Variants in DPYSL3 observed in about 807,000 individuals in gnomAD.
The protein encoded by DPYSL3 is dihydropyrimidinase like 3, also known as dihydropyrimidinase-related protein 3.
A neutral mutation model predicts 66.1 loss-of-function variants in DPYSL3; 16 were observed. The ratio of observed to expected loss-of-function variants is 0.24; its 90% confidence interval spans 0.16 to 0.37. The LOEUF (loss-of-function observed/expected upper bound fraction) is 0.37. DPYSL3 is among the 10% of genes least tolerant of loss of function. DPYSL3 has a pLI of 1.00. For missense variants in DPYSL3, 738 were observed against 916.2 expected (o/e 0.81, Z 2.51); for synonymous variants, 338 against 345.1 (o/e 0.98, Z 0.23).
chr5:147,482,152 C>A (rs1383195105), intron 1 of DPYSL3, among the ~76,000 whole-genome samples: 5 of 152,134 alleles, frequency 3.3e-5, no homozygotes, highest in Admixed American at 6.5e-5. Flanking sequence ...CAACAACATG[C>A]AAGGATACCC....
intron 1 of DPYSL3, among the ~76,000 whole-genome samples, chr5:147,438,578 A>G (rs1378623127): frequency 1.3e-5 from 2 of 152,180 alleles, no homozygotes; most frequent in East Asian, 3.9e-4. Context: ...AGAACCTCCA[A>G]GACTTCATCC....
intron 4 of DPYSL3, among the ~76,000 whole-genome samples, chr5:147,414,854 A>C (rs1261444323): frequency 1.3e-5 from 2 of 152,064 alleles, no homozygotes; most frequent in Non-Finnish European, 2.9e-5. Context: ...ATTTGTGTCT[A>C]GACTACTCCT....
chr5:147,434,238 G>A (rs1159922409), intron 1 of DPYSL3, among the ~76,000 whole-genome samples: 1 of 152,216 alleles, frequency 6.6e-6, no homozygotes, highest in East Asian at 1.9e-4. Flanking sequence ...ATAAAGTCCA[G>A]TACAGATTAA....
rs957390930 is a variant in DPYSL3 at position 147,436,594 on chromosome 5, T to A, written c.382-11631A>T. Among the ~76,000 whole-genome samples the A allele has an allele frequency of 3.3e-5, 5 of 152,174 alleles. No individual in the cohort carries two copies. The South Asian group carries it at 8.3e-4, about 25-fold the overall frequency. ...CTCTCTTCTATTTATTTACATTATT[T>A]CTCTAGTTGCATATGCGTAATGTAC... On this transcript the variant is annotated intron_variant, in intron 1 of 13. Transcript: ENST00000343218.
intron 1 of DPYSL3, among the ~76,000 whole-genome samples, chr5:147,455,408 G>A (rs1162529018): frequency 2.0e-5 from 3 of 152,164 alleles, no homozygotes; most frequent in African/African-American, 4.8e-5. Flanking sequence ...CTGCAAAGGA[G>A]GATGAATGCC....
At chr5:147,492,341 G>A (rs1167086149) in intron 1 of DPYSL3, among the ~76,000 whole-genome samples, 3 of 152,008 alleles carry the variant, frequency 2.0e-5, no homozygotes, top group Non-Finnish European at 4.4e-5. Context: ...ATAAAGAAAA[G>A]AAGACCACCA....
At chr5:147,428,720 G>A (rs1360108592) in intron 1 of DPYSL3, among the ~76,000 whole-genome samples, 3 of 136,588 alleles carry the variant, frequency 2.2e-5, no homozygotes, top group Non-Finnish European at 4.4e-5. Context: ...AACTAACACA[G>A]GAATAGAAAA....
chr5:147,486,664 A>G (rs1211317333), intron 1 of DPYSL3, among the ~76,000 whole-genome samples: 2 of 152,164 alleles, frequency 1.3e-5, no homozygotes, highest in African/African-American at 2.4e-5. Flanking sequence ...TCTGACTGCT[A>G]TTAACCCTGA....
chr5:147,412,072 C>T (rs1298731985), intron 6 of DPYSL3, among the ~76,000 whole-genome samples: 2 of 152,134 alleles, frequency 1.3e-5, no homozygotes, highest in African/African-American at 2.4e-5. Context: ...TACAAATGAT[C>T]AATTTGGGCC....
chr5:147,493,809 T>C (rs1429850799), intron 1 of DPYSL3, among the ~76,000 whole-genome samples: 1 of 152,140 alleles, frequency 6.6e-6, no homozygotes, highest in Non-Finnish European at 1.5e-5. Flanking sequence ...AAGAATAAAA[T>C]CATGCAAGCT....
rs1489710048 is a variant in DPYSL3 at position 147,415,833 on chromosome 5, C to T, written c.696G>A (p.Glu232=). Residue 232 remains glutamate, a synonymous_variant, in exon 4 of 14, where the codon GAG becomes GAA. Transcript: ENST00000343218. ...CCCACTCTCTCCATTTCTCATAGGC[C>T]TCAGTCAGGCTGGACTCAGGCTCAG... is the stretch of plus-strand genomic sequence containing the variant. The part of the protein sequence containing the change: ...VVPEPESSLT[E]AYEKWREWAD... 3 of 1,614,052 alleles carry T rather than the reference C, an allele frequency of 1.9e-6. No individual in the cohort carries two copies. In the Admixed American group the frequency reaches 5.0e-5, roughly 27 times the overall value.
At chr5:147,482,348 T>G (rs1753263696) in intron 1 of DPYSL3, among the ~76,000 whole-genome samples, 1 of 152,212 alleles carries the variant, frequency 6.6e-6, no homozygotes, top group Non-Finnish European at 1.5e-5. Context: ...ATACCCTTTG[T>G]GGAAGTGGTG....
At chr5:147,499,976 T>C (rs767164593) in intron 1 of DPYSL3, among the ~76,000 whole-genome samples, 1 of 152,086 alleles carries the variant, frequency 6.6e-6, no homozygotes, top group Non-Finnish European at 1.5e-5. Context: ...TTAAAACAAC[T>C]GGACACCTAT....
chr5:147,458,165 T>C lies in DPYSL3; in HGVS notation c.382-33202A>G, dbSNP rs190013638. Among the ~76,000 whole-genome samples, 432 of 152,204 alleles carry C rather than the reference T, an allele frequency of 2.8e-3. 2 individuals are homozygous for C. Among genetic ancestry groups the C allele is most frequent in the Middle Eastern group, 0.01 (3 of 294 alleles). The stretch of plus-strand genomic sequence containing the variant: ...AGACCTACTGGGCTGCATTCCCAGA[T>C]GGTTAAGGCATTCTAAGTCACAGGA... On this transcript the variant is annotated intron_variant, in intron 1 of 13. Coordinates refer to ENST00000343218, the MANE Select transcript of DPYSL3 (RefSeq NM_001197294.2).
At chr5:147,458,303 C>A (rs1752881660) in intron 1 of DPYSL3, among the ~76,000 whole-genome samples, 1 of 152,152 alleles carries the variant, frequency 6.6e-6, no homozygotes, top group African/African-American at 2.4e-5. Flanking sequence ...CAAGAGTGAC[C>A]TTTGGTCGTC....
chr5:147,453,799 C>T (rs1752793303), intron 1 of DPYSL3: 12 of 1,247,686 alleles, frequency 9.6e-6, no homozygotes, highest in Non-Finnish European at 1.2e-5. Flanking sequence ...CTTTCACCCC[C>T]GCCCCCCCAC....
intron 1 of DPYSL3, among the ~76,000 whole-genome samples, chr5:147,480,208 G>T (rs1178807856): frequency 1.3e-5 from 2 of 152,204 alleles, no homozygotes; most frequent in African/African-American, 4.8e-5. Flanking sequence ...CACTCCTGTA[G>T]CGGCAGTCAT....
At position 147,399,174 on chromosome 5, in the gene DPYSL3, G is replaced by A. The variant is rs1758092403; in HGVS notation, c.1531C>T (p.Arg511Cys). 3.7e-6 allele frequency: 6 copies of A among 1,614,202 alleles called. No homozygotes were observed. The highest frequency in any genetic ancestry group is 1.3e-5 in the African/African-American group (1 of 75,056). Residue 511 changes from arginine to cysteine, a missense_variant, in exon 11 of 14, where the codon CGC becomes TGC. By Grantham distance (180) the Arg-to-Cys change is radical (BLOSUM62 -3). Transcript: ENST00000343218. ...GAACCCACAGATATTCTTCCCTTGC[G>A]GGGATACAGGTTGAAGATCTTGGCA... Reference protein sequence around the residue: ...NAAKIFNLYPRKGRISVGSDS... With the variant: ...NAAKIFNLYPCKGRISVGSDS...
intron 1 of DPYSL3, among the ~76,000 whole-genome samples, chr5:147,436,037 T>G (rs1237962432): frequency 1.3e-5 from 2 of 152,112 alleles, no homozygotes; most frequent in Admixed American, 1.3e-4. Flanking sequence ...AATGACCTAG[T>G]GATAGGAAGG....
Sources: gnomAD v4.1 joint callset for allele counts (sites outside exome capture counted in the v4.1 genomes callset) on GRCh38, gnomAD v4.1.1 for gene constraint, MANE v1.5 for transcripts, NCBI Gene and HGNC (gene_info 2026-07-23, HGNC 2026-07-21) for gene names.